The following SAMSN1 variants were observed in gnomAD, a reference collection of about 807,000 sequenced individuals.
SAMSN1 encodes the protein SAM domain-containing protein SAMSN-1.
A neutral mutation model predicts 42.0 loss-of-function variants in SAMSN1; 31 were observed. That is an observed-to-expected ratio of 0.74 (90% CI 0.55 to 1.00). SAMSN1 has a LOEUF of 1.00. Among genes scored for constraint, SAMSN1 ranks in the 50% least tolerant of loss-of-function variants. The probability of loss-of-function intolerance (pLI) is 0.00; values close to 1 mark genes in which losing one functional copy is unlikely to be tolerated. For synonymous variants in SAMSN1, 178 were observed against 151.9 expected (o/e 1.17, Z -1.26); for missense variants, 464 against 439.4 (o/e 1.06, Z -0.50).
At chr21:14,640,181 TA>T (rs1374438495) in intron 2 of SAMSN1, among the ~76,000 whole-genome samples, 2 of 152,200 alleles carry the variant, frequency 1.3e-5, no homozygotes, top group Non-Finnish European at 2.9e-5. Context: ...TATGAATAAA[TA>T]ATATATTTCA....
chr21:14,623,789 A>G (rs1407589963), intron 2 of SAMSN1, among the ~76,000 whole-genome samples: 1 of 152,210 alleles, frequency 6.6e-6, no homozygotes, highest in Non-Finnish European at 1.5e-5. Flanking sequence ...ATAGACATCT[A>G]CAGAACTCTC....
chr21:14,516,734 A>G (rs1341761579), intron 3 of SAMSN1, among the ~76,000 whole-genome samples, 158 bp downstream of exon 3: 1 of 152,142 alleles, frequency 6.6e-6, no homozygotes, highest in African/African-American at 2.4e-5. Flanking sequence ...GTTAAAATGA[A>G]AGTAATACTT....
At chr21:14,608,231 G>A (rs986261270) in intron 5 of SAMSN1, among the ~76,000 whole-genome samples, 1 of 152,194 alleles carries the variant, frequency 6.6e-6, no homozygotes, top group Non-Finnish European at 1.5e-5. Flanking sequence ...GGTGGTTTTG[G>A]ATTGCTGACT....
At chr21:14,502,991 G>C (rs1035986280) in intron 5 of SAMSN1, among the ~76,000 whole-genome samples, 3 of 152,052 alleles carry the variant, frequency 2.0e-5, no homozygotes, top group African/African-American at 7.2e-5. Context: ...TACTAGAAAG[G>C]AATAATTTAA....
At position 14,613,039 on chromosome 21, in the gene SAMSN1, C is replaced by T. The variant is rs1178144319; in HGVS notation, c.198-126G>A. ...AAATTCTACCTCTAACCGAGGTCTA[C>T]CTATGGTCTTGAATTTTCCTAACCC... On this transcript the variant is annotated intron_variant, in intron 3 of 15. Transcript: ENST00000647101. 5 of 506,460 alleles carry T rather than the reference C, an allele frequency of 9.9e-6. No homozygotes were observed. The Admixed American group carries it at 1.0e-4, about 11-fold the overall frequency. 31.4% of individuals were successfully genotyped at this position (506,460 alleles called of 1,614,324 possible). A position where few individuals can be genotyped will look rare whatever the true frequency, so the allele number is the denominator to read the frequency against.
At chr21:14,636,866 A>G (rs1009432897) in intron 2 of SAMSN1, among the ~76,000 whole-genome samples, 46 of 152,314 alleles carry the variant, frequency 3.0e-4, no homozygotes, top group African/African-American at 1.1e-3. Context: ...TCCGTCTCAA[A>G]AAAACAAACA....
intron 3 of SAMSN1, among the ~76,000 whole-genome samples, chr21:14,516,659 C>A (rs768770228): frequency 1.3e-5 from 2 of 152,098 alleles, no homozygotes; most frequent in Non-Finnish European, 2.9e-5. Flanking sequence ...CCAAAGTGCT[C>A]GGATTACAGG....
Position 14,533,959 on chromosome 21 carries a change from G to A in SAMSN1, c.57+12246C>T, listed in dbSNP as rs111407996. ...TTGCTTCAGCTGTTTTGCATGATTT[G>A]CAGACACAGTGGCAAATTTCTACTC... On this transcript the variant is annotated intron_variant, in intron 1 of 7. Coordinates refer to ENST00000400566, the MANE Select transcript of SAMSN1 (RefSeq NM_022136.5). Among the ~76,000 whole-genome samples the A allele has an allele frequency of 1.7e-3, 259 of 152,284 alleles. 2 individuals carry two copies. Among genetic ancestry groups the A allele is most frequent in the African/African-American group, 5.8e-3 (242 of 41,544 alleles).
In SAMSN1 at chr21:14,621,372, G is replaced by C. The variant is rs535845426; in HGVS notation, c.157-5356C>G. Among the ~76,000 whole-genome samples, 7 of 152,310 alleles carry C rather than the reference G, an allele frequency of 4.6e-5. No individual in the cohort carries two copies. The South Asian group carries it at 1.5e-3, about 32-fold the overall frequency. ...ATCGCCTCACCTGGGAAGCACAAGG[G>C]ACCAGGGAATCCTCTTTCCTAGCCA... On this transcript the variant is annotated intron_variant, in intron 2 of 15. Transcript: ENST00000647101.
At chr21:14,513,014 A>T (rs1335002807) in intron 3 of SAMSN1, among the ~76,000 whole-genome samples, 5 of 152,232 alleles carry the variant, frequency 3.3e-5, no homozygotes, top group African/African-American at 9.6e-5. Flanking sequence ...AGTTATTTGC[A>T]TCCTACCAGA....
In SAMSN1 at chr21:14,609,399, G is replaced by A. The variant is rs985265572; in HGVS notation, c.322+83C>T. The stretch of plus-strand genomic sequence containing the variant: ...CCATAATGGTCTGCTTATTTTCATG[G>A]TGGAAGATGTGAATTTTTCTTACCT... On this transcript the variant is annotated intron_variant, in intron 5 of 15. Coordinates refer to the SAMSN1 transcript ENST00000647101. The A allele has an allele frequency of 5.7e-6, 4 of 701,126 alleles. No individual in the cohort carries two copies. In the African/African-American group the frequency reaches 7.1e-5, roughly 12 times the overall value. 43.4% of individuals were successfully genotyped at this position (701,126 alleles called of 1,614,324 possible). A position where few individuals can be genotyped will look rare whatever the true frequency, so the allele number is the denominator to read the frequency against.
chr21:14,624,478 A>G (rs1431094151), intron 2 of SAMSN1, among the ~76,000 whole-genome samples: 3 of 152,238 alleles, frequency 2.0e-5, no homozygotes, highest in Admixed American at 1.3e-4. Flanking sequence ...ACAAACTACC[A>G]TCAGAGAATA....
intron 7 of SAMSN1, among the ~76,000 whole-genome samples, chr21:14,493,881 G>T (rs1325742786): frequency 1.3e-5 from 2 of 152,124 alleles, no homozygotes; most frequent in South Asian, 4.1e-4. Context: ...GGTCTTGCTG[G>T]GATTGCAGAA....
At chr21:14,658,720 C>T in intron 1 of SAMSN1, 1 of 714,888 alleles carries the variant, frequency 1.4e-6, no homozygotes. Flanking sequence ...AAAATGAGAA[C>T]ATAAATGCTG....
At chr21:14,523,694 A>G (rs9305374) in intron 1 of SAMSN1, among the ~76,000 whole-genome samples, 28,775 of 152,116 alleles carry the variant, frequency 0.19, 3,159 homozygotes, top group African/African-American at 0.3. Context: ...TAGCCTATAT[A>G]TAGCCTGTTA....
At chr21:14,546,812 C>T (rs1017849718), upstream of SAMSN1, among the ~76,000 whole-genome samples, 3 of 151,994 alleles carry the variant, frequency 2.0e-5, no homozygotes, top group African/African-American at 7.2e-5. Context: ...CGGGTTCAAG[C>T]GACTCTCCTG....
intron 2 of SAMSN1, among the ~76,000 whole-genome samples, chr21:14,618,708 G>C (rs1243232639): frequency 6.6e-6 from 1 of 150,556 alleles, no homozygotes; most frequent in Admixed American, 6.6e-5. Context: ...GCGCGCACGC[G>C]CGTGTGTGTG....
At chr21:14,491,728 G>T (rs534620237) in intron 7 of SAMSN1, among the ~76,000 whole-genome samples, 1 of 152,076 alleles carries the variant, frequency 6.6e-6, no homozygotes, top group Admixed American at 6.6e-5. Flanking sequence ...TGAATTTTGT[G>T]TTAAATAAAT....
intron 4 of SAMSN1, among the ~76,000 whole-genome samples, chr21:14,611,133 T>C (rs1456287596): frequency 6.6e-6 from 1 of 152,066 alleles, no homozygotes; most frequent in Non-Finnish European, 1.5e-5. Flanking sequence ...GTCAATTGTT[T>C]TTATGCATCC....
Sources: allele counts gnomAD v4.1 joint callset (sites outside exome capture counted in the v4.1 genomes callset), GRCh38; gene constraint gnomAD v4.1.1; transcripts MANE v1.5; gene names NCBI Gene and HGNC (gene_info 2026-07-23, HGNC 2026-07-21).